The following POLQ variants were observed in gnomAD, a reference collection of about 807,000 sequenced individuals.
The protein encoded by POLQ is epididymis secretory sperm binding protein.
In POLQ, 233 loss-of-function variants were observed where a neutral mutation model predicts 259.2. The ratio of observed to expected loss-of-function variants is 0.90; its 90% CI spans 0.81 to 1.00. POLQ has a LOEUF of 1.00. POLQ is among the 50% of genes least tolerant of loss of function. The pLI, the probability that POLQ is intolerant of heterozygous loss-of-function variation, is 0.00. For synonymous variants in POLQ, 1,025 were observed against 1,048.8 expected (o/e 0.98, Z 0.44); for missense variants, 2,871 against 3,051.6 (o/e 0.94, Z 1.39).
At chr3:121,454,983 T>C (rs2047719778) in intron 25 of POLQ, among the ~76,000 whole-genome samples, 2 of 152,168 alleles carry the variant, frequency 1.3e-5, no homozygotes, top group African/African-American at 4.8e-5. Context: ...TAGTTGGAAG[T>C]ATAGCACTCC....
intron 26 of POLQ, among the ~76,000 whole-genome samples, chr3:121,444,035 TTC>T (rs1187561448): frequency 1.3e-5 from 2 of 152,196 alleles, no homozygotes. Context: ...TCCAGTTTTG[TTC>T]TTTTTGCACA....
chr3:121,530,820 C>T (rs754183021), intron 6 of POLQ, among the ~76,000 whole-genome samples: 2 of 151,988 alleles, frequency 1.3e-5, no homozygotes, highest in African/African-American at 4.8e-5. Flanking sequence ...GATGGAGCTG[C>T]GAACAAAGCA....
At chr3:121,457,114 A>G (rs554034318) in intron 25 of POLQ, among the ~76,000 whole-genome samples, 89 of 152,336 alleles carry the variant, frequency 5.8e-4, no homozygotes, top group East Asian at 3.9e-4. Flanking sequence ...GACAAACCTG[A>G]GAAAAACAAG....
chr3:121,526,880 TG>T (rs1321779588), intron 7 of POLQ, among the ~76,000 whole-genome samples: 3 of 148,074 alleles, frequency 2.0e-5, no homozygotes, highest in African/African-American at 7.5e-5. Flanking sequence ...TCTGTATGTG[TG>T]TGTGTGTGTG....
chr3:121,452,138 G>C (rs183439930), intron 25 of POLQ, among the ~76,000 whole-genome samples: 1 of 152,334 alleles, frequency 6.6e-6, no homozygotes, highest in Non-Finnish European at 1.5e-5. Context: ...CCTTGGAAAA[G>C]CGCAGTATTA....
intron 15 of POLQ, among the ~76,000 whole-genome samples, chr3:121,490,619 G>C (rs1232772299): frequency 1.3e-5 from 2 of 152,184 alleles, no homozygotes; most frequent in African/African-American, 4.8e-5. Context: ...CTGGTGATAA[G>C]AGTTGTATAC....
Position 121,493,702 on chromosome 3 carries a change from G to A in POLQ, c.2298C>T (p.Ser766=). ...CCATGTTGTGCCAGCCCAGACGGTT[G>A]GAAAATACTGTAATCATCCCTAGAA... ...AVYAGMITVF[S]NRLGWHNMEL... Residue 766 remains serine, a synonymous_variant, in exon 15 of 30, where the codon TCC becomes TCT. Transcript: ENST00000264233. 1 of 1,613,634 alleles carries A rather than the reference G, an allele frequency of 6.2e-7. No individual in the cohort carries two copies. The highest frequency in any genetic ancestry group is 8.5e-7 in the Non-Finnish European group (1 of 1,179,578).
chr3:121,434,212 C>T (rs1316253205), intron 28 of POLQ, among the ~76,000 whole-genome samples: 1 of 152,196 alleles, frequency 6.6e-6, no homozygotes, highest in Non-Finnish European at 1.5e-5. Context: ...GGTCTGCTTC[C>T]TCATGCTCAC....
At chr3:121,448,847 G>C (rs1043690033) in intron 26 of POLQ, among the ~76,000 whole-genome samples, 29 of 152,026 alleles carry the variant, frequency 1.9e-4, no homozygotes, top group African/African-American at 7.0e-4. Context: ...CTTTTTCAGG[G>C]TGAATCTAAT....
At chr3:121,472,624 T>C (rs1576409123) in intron 21 of POLQ, among the ~76,000 whole-genome samples, 1 of 152,146 alleles carries the variant, frequency 6.6e-6, no homozygotes, top group East Asian at 1.9e-4. Flanking sequence ...CTATAGACTT[T>C]CAGTGAACTA....
chr3:121,493,845 C>G lies in POLQ; in HGVS notation c.2279-124G>C, dbSNP rs1440696702. The stretch of plus-strand genomic sequence containing the variant: ...CAAAATTGTAAGATTTAACAAGGCC[C>G]AAGGTGTAAGTTAACAAGGGAGCAG... On this transcript the variant is annotated intron_variant, in intron 14 of 29. Transcript: ENST00000264233. 6.0e-6 allele frequency: 5 copies of G among 830,460 alleles called. No homozygotes were observed. The African/African-American group carries it at 8.6e-5, about 14-fold the overall frequency. 51.4% of individuals were successfully genotyped at this position (830,460 alleles called of 1,614,324 possible).
In POLQ at chr3:121,529,653, T is replaced by G; in HGVS notation, c.1100A>C (p.Gln367Pro). The change falls in exon 7 of 30, where the codon CAA becomes CCA. Residue 367 changes from glutamine to proline, a missense_variant. By Grantham distance (76) the Gln-to-Pro change is moderately conservative (BLOSUM62 -1). Coordinates refer to ENST00000264233, the MANE Select transcript of POLQ (RefSeq NM_199420.4). ...IAREFYNLHH[Q>P]AEGLVKPSEC... ...TTCCATCCATAACTCACCCTCAGCT[T>G]GATGATGTAGATTATAAAACTCTCG... 6.2e-7 allele frequency: 1 copy of G among 1,613,286 alleles called. No homozygotes were observed. The highest frequency in any genetic ancestry group is 8.5e-7 in the Non-Finnish European group (1 of 1,179,712).
intron 12 of POLQ, 95 bp downstream of exon 12, chr3:121,509,466 C>T (rs1237097681): frequency 2.6e-5 from 27 of 1,040,934 alleles, no homozygotes; most frequent in East Asian, 1.2e-4. Context: ...GGAAAACAGA[C>T]GAGATGTTCT....
Position 121,532,976 on chromosome 3 carries a change from A to G in POLQ, c.960+14T>C, listed in dbSNP as rs749634852. 13 of 1,473,208 alleles carry G rather than the reference A, an allele frequency of 8.8e-6. No individual in the cohort carries two copies. Among genetic ancestry groups the G allele is most frequent in the African/African-American group, 1.4e-5 (1 of 71,596 alleles). The allele number at this position is 1,473,208 out of a possible 1,614,324, so 91.3% of individuals were successfully genotyped here. A position where few individuals can be genotyped will look rare whatever the true frequency, so the allele number is the denominator to read the frequency against. On this transcript the variant is annotated intron_variant, in intron 6 of 29. Transcript: ENST00000264233. ...ACAGATAAAAATAGTAGTGATGTAC[A>G]TATATTGATTTACCTTCACTTGTAG...
At position 121,489,568 on chromosome 3, in the gene POLQ, A is replaced by G. The variant is rs775588188; in HGVS notation, c.3363T>C (p.Asn1121=). Residue 1121 remains asparagine (N), a synonymous_variant, in exon 16 of 30, where the codon AAT becomes AAC. Coordinates refer to ENST00000264233, the MANE Select transcript of POLQ (RefSeq NM_199420.4). Reference sequence around the variant, plus strand: ...TAGTTAGTGTTATGTTCCATGAACAATTTTGCTTTATTTGTAATGGGAATG... The same window carrying G: ...TAGTTAGTGTTATGTTCCATGAACAGTTTTGCTTTATTTGTAATGGGAATG... ...KTSFPLQIKQ[N]CSWNITLTND... The G allele has an allele frequency of 1.9e-6, 3 of 1,612,974 alleles. No individual in the cohort carries two copies. Among genetic ancestry groups the G allele is most frequent in the Non-Finnish European group, 2.5e-6 (3 of 1,179,532 alleles).
At chr3:121,501,661 CAAAAAAAAAAAAAA>C (rs60180456) in intron 12 of POLQ, among the ~76,000 whole-genome samples, 1 of 39,940 alleles carries the variant, frequency 2.5e-5, no homozygotes, top group African/African-American at 1.1e-4. Context: ...GACTCCGTCT[CAAAAAAAAAAAAAA>C]AAAAAAAAAA....
Position 121,539,600 on chromosome 3 carries a change from T to C in POLQ, c.475-11A>G. The C allele has an allele frequency of 1.2e-6, 2 of 1,608,050 alleles. No homozygotes were observed. The highest frequency in any genetic ancestry group is 1.7e-6 in the Non-Finnish European group (2 of 1,175,656). ...TTCCTGAAACAGACTCTGAATTGAGTAAAAAGGAACAATACAGGTGAAAAA... is the reference window on the plus strand; with the variant it reads ...TTCCTGAAACAGACTCTGAATTGAGCAAAAAGGAACAATACAGGTGAAAAA... On this transcript the variant is annotated splice_polypyrimidine_tract_variant and intron_variant, in intron 3 of 29. Transcript: ENST00000264233.
chr3:121,486,177 C>A (rs568604867), intron 16 of POLQ, among the ~76,000 whole-genome samples: 1 of 152,160 alleles, frequency 6.6e-6, no homozygotes, highest in Non-Finnish European at 1.5e-5. Context: ...AGCTAATGTA[C>A]ACTGTGAAGA....
At chr3:121,529,905 T>A in intron 6 of POLQ, 113 bp from the exon 7 acceptor site, 9 of 661,946 alleles carry the variant, frequency 1.4e-5, no homozygotes, top group South Asian at 2.3e-5. Flanking sequence ...TAAGGCATAA[T>A]GAAAATCAGT....
Sources: gnomAD v4.1 joint callset for allele counts (sites outside exome capture counted in the v4.1 genomes callset) on GRCh38, gnomAD v4.1.1 for gene constraint, MANE v1.5 for transcripts, NCBI Gene and HGNC (gene_info 2026-07-23, HGNC 2026-07-21) for gene names.